The following DUSP29 variants were observed in gnomAD, a reference collection of about 807,000 sequenced individuals.
DUSP29 encodes the protein dual specificity phosphatase 29, also known as atypical dual-specific protein phosphatase.
In DUSP29, 12 loss-of-function variants were observed where a neutral mutation model predicts 13.5. The ratio of observed to expected loss-of-function variants is 0.89; its 90% CI spans 0.57 to 1.44. DUSP29 has a LOEUF of 1.44. Among genes scored for constraint, DUSP29 ranks in the 40% most tolerant of loss-of-function variants. DUSP29 has a pLI of 0.00. For missense variants in DUSP29, 308 were observed against 301.1 expected (o/e 1.02, Z -0.17); for synonymous variants, 134 against 128.7 (o/e 1.04, Z -0.28).
chr10:75,054,893 G>A (rs942919538), intron 2 of DUSP29, among the ~76,000 whole-genome samples: 3 of 151,994 alleles, frequency 2.0e-5, no homozygotes, highest in Middle Eastern at 3.4e-3. Flanking sequence ...AGACTAGAGT[G>A]CAGTGGCACC....
At position 75,043,968 on chromosome 10, in the gene DUSP29, C is replaced by A; in HGVS notation, c.250G>T (p.Val84Leu). ...CAGCGGCCGTGGGCCGCGTTCAGCA[C>A]GTGCGTGAACCCCGCCTTCTGCAGC... ...YRLQKAGFTH[V>L]LNAAHGRWNV... The change falls in exon 3 of 4, where the codon GTG (valine) becomes TTG (leucine). Residue 84 changes from valine (V) to leucine (L), a missense_variant. Val to Leu is a conservative substitution (Grantham distance 32, BLOSUM62 1). Transcript: ENST00000338487. The A allele has an allele frequency of 6.2e-7, 1 of 1,613,144 alleles. No individual in the cohort carries two copies. Among genetic ancestry groups the A allele is most frequent in the Non-Finnish European group, 8.5e-7 (1 of 1,179,920 alleles).
At chr10:75,042,382 GT>G (rs915782542) in intron 3 of DUSP29, among the ~76,000 whole-genome samples, 1 of 152,176 alleles carries the variant, frequency 6.6e-6, no homozygotes, top group Admixed American at 6.5e-5. Context: ...TGCAGTCTTT[GT>G]TTTTTTCATG....
chr10:75,060,500 T>C (rs1186616637), intron 1 of DUSP29, among the ~76,000 whole-genome samples: 1 of 151,566 alleles, frequency 6.6e-6, no homozygotes, highest in African/African-American at 2.4e-5. Context: ...AAACTTATTA[T>C]GCACGGTTGG....
chr10:75,063,549 G>A (rs1247817582), intron 1 of DUSP29, among the ~76,000 whole-genome samples: 1 of 152,046 alleles, frequency 6.6e-6, no homozygotes, highest in African/African-American at 2.4e-5. Flanking sequence ...AACCCTGAGT[G>A]GACCACTTTT....
chr10:75,048,602 G>T (rs898725619), intron 2 of DUSP29, among the ~76,000 whole-genome samples: 3 of 152,134 alleles, frequency 2.0e-5, no homozygotes, highest in Non-Finnish European at 2.9e-5. Context: ...GTTTCACCAT[G>T]TTGGCCAGGC....
intron 1 of DUSP29, among the ~76,000 whole-genome samples, chr10:75,067,520 A>G (rs1033955580): frequency 2.6e-5 from 4 of 152,126 alleles, no homozygotes; most frequent in Admixed American, 2.6e-4. Context: ...ACGAGAAGGA[A>G]TGAGGAGTGG....
chr10:75,058,964 G>T (rs933477139), intron 1 of DUSP29, among the ~76,000 whole-genome samples: 1 of 152,198 alleles, frequency 6.6e-6, no homozygotes, highest in Admixed American at 6.5e-5. Flanking sequence ...TGACATTCCA[G>T]GCCTGTGGCC....
intron 3 of DUSP29, among the ~76,000 whole-genome samples, chr10:75,041,488 G>T (rs1003829468): frequency 6.6e-6 from 1 of 152,194 alleles, no homozygotes; most frequent in Non-Finnish European, 1.5e-5. Context: ...CTCTGAAGGG[G>T]TACAGGGCTC....
chr10:75,045,115 C>T (rs116701405), intron 2 of DUSP29, among the ~76,000 whole-genome samples: 2 of 152,104 alleles, frequency 1.3e-5, no homozygotes, highest in African/African-American at 4.8e-5. Context: ...CCAGCACTTT[C>T]GGAAGCCGAG....
intron 3 of DUSP29, among the ~76,000 whole-genome samples, chr10:75,043,140 C>G (rs1236490251): frequency 1.3e-5 from 2 of 152,248 alleles, no homozygotes; most frequent in Non-Finnish European, 2.9e-5. Flanking sequence ...CCAAATTATA[C>G]CTCAAATACA....
intron 1 of DUSP29, among the ~76,000 whole-genome samples, chr10:75,062,442 G>A (rs1448108935): frequency 1.3e-5 from 2 of 152,302 alleles, no homozygotes; most frequent in African/African-American, 4.8e-5. Context: ...TTACACTGTG[G>A]AGGGAACCAT....
At chr10:75,070,413 C>T (rs1847305710) in intron 1 of DUSP29, among the ~76,000 whole-genome samples, 1 of 152,206 alleles carries the variant, frequency 6.6e-6, no homozygotes, top group Non-Finnish European at 1.5e-5. Context: ...CAGCAAGCAG[C>T]TCTTATGGGC....
intron 2 of DUSP29, among the ~76,000 whole-genome samples, chr10:75,045,726 C>T (rs931110067): frequency 2.6e-5 from 4 of 152,108 alleles, no homozygotes; most frequent in African/African-American, 9.7e-5. Flanking sequence ...CATGGTGGGC[C>T]CTGCCCGCCA....
chr10:75,048,933 G>C (rs1329496321), intron 2 of DUSP29, among the ~76,000 whole-genome samples: 2 of 152,176 alleles, frequency 1.3e-5, no homozygotes, highest in Non-Finnish European at 2.9e-5. Context: ...TTCTTTGTTT[G>C]CTAAATAGTA....
Position 75,061,723 on chromosome 10 carries a change from C to T in DUSP29, c.-34-3175G>A, listed in dbSNP as rs1389591714. 1.3e-5 allele frequency among the ~76,000 whole-genome samples: 2 copies of T among 152,168 alleles called. 1 individual carries two copies. Among genetic ancestry groups the T allele is most frequent in the Non-Finnish European group, 2.9e-5 (2 of 68,030 alleles). On this transcript the variant is annotated intron_variant, in intron 1 of 3. Transcript: ENST00000338487. ...CTTTGGCCCAGAATGCAGCTGCAGG[C>T]TGGGAGGAGAGAGGACCTTGCTTCG...
chr10:75,068,214 T>C (rs1589870294), intron 1 of DUSP29, among the ~76,000 whole-genome samples: 1 of 152,260 alleles, frequency 6.6e-6, no homozygotes, highest in Middle Eastern at 3.4e-3. Context: ...CTCAGGCCTG[T>C]AATCCCAGAG....
chr10:75,050,379 C>T (rs1846800808), intron 2 of DUSP29, among the ~76,000 whole-genome samples: 1 of 152,248 alleles, frequency 6.6e-6, no homozygotes, highest in Admixed American at 6.5e-5. Flanking sequence ...ATCATTGACG[C>T]CAGTCCCTGG....
chr10:75,063,610 C>T (rs1330270182), intron 1 of DUSP29, among the ~76,000 whole-genome samples: 1 of 152,010 alleles, frequency 6.6e-6, no homozygotes, highest in African/African-American at 2.4e-5. Flanking sequence ...GTTGGAGCTC[C>T]AGTTGCCCAG....
chr10:75,039,309 C>T (rs886940159), intron 3 of DUSP29, among the ~76,000 whole-genome samples: 8 of 152,170 alleles, frequency 5.3e-5, no homozygotes, highest in Non-Finnish European at 1.5e-5. Flanking sequence ...AGTCAGAGCA[C>T]CTGGAGCCCA....
Sources: gnomAD v4.1 joint callset for allele counts (sites outside exome capture counted in the v4.1 genomes callset) on GRCh38, gnomAD v4.1.1 for gene constraint, MANE v1.5 for transcripts, NCBI Gene and HGNC (gene_info 2026-07-23, HGNC 2026-07-21) for gene names.